The following POU2F3 variants were observed in gnomAD, a reference collection of about 807,000 sequenced individuals.
The protein encoded by POU2F3 is POU domain, class 2, transcription factor 3.
POU2F3 carries 23 observed loss-of-function variants against 59.2 expected under a neutral mutation model. The observed-to-expected ratio is 0.39, with a 90% CI of 0.28 to 0.55. The LOEUF (loss-of-function observed/expected upper bound fraction) is 0.55, where lower values mean the gene tolerates loss of function less well. Among genes scored for constraint, POU2F3 ranks in the 20% least tolerant of loss-of-function variants. The probability of loss-of-function intolerance (pLI) is 0.66; values close to 1 mark genes in which losing one functional copy is unlikely to be tolerated. For synonymous variants in POU2F3, 190 were observed against 214.6 expected (o/e 0.89, Z 1.00); for missense variants, 473 against 544.5 (o/e 0.87, Z 1.31).
chr11:120,269,339 T>TGGG, intron 3 of POU2F3, 95 bp downstream of exon 3: 1 of 1,100,660 alleles, frequency 9.1e-7, no homozygotes, highest in Non-Finnish European at 1.3e-6. Flanking sequence ...AAGTACAGTT[T>TGGG]GGGGGTGTTT....
chr11:120,274,605 G>A (rs1051938555), intron 3 of POU2F3, among the ~76,000 whole-genome samples: 63 of 152,306 alleles, frequency 4.1e-4, no homozygotes, highest in African/African-American at 1.5e-3. Flanking sequence ...ATGATGGGAG[G>A]AGAAGGAGGG....
intron 1 of POU2F3, among the ~76,000 whole-genome samples, chr11:120,243,506 C>T (rs757007552): frequency 3.3e-5 from 5 of 152,172 alleles, no homozygotes; most frequent in Non-Finnish European, 5.9e-5. Context: ...TGTCTGGGCT[C>T]TTTCACAGAG....
intron 2 of POU2F3, among the ~76,000 whole-genome samples, chr11:120,253,317 T>G (rs942051440): frequency 6.6e-6 from 1 of 151,728 alleles, no homozygotes; most frequent in African/African-American, 2.4e-5. Flanking sequence ...TGGAGTGCAG[T>G]GGCACAGTCT....
intron 2 of POU2F3, chr11:120,259,096 A>T (rs1348056676): frequency 6.6e-6 from 1 of 152,328 alleles, no homozygotes; most frequent in Non-Finnish European, 1.5e-5. Flanking sequence ...GCATGGCCCT[A>T]GCCTCCTGGT....
chr11:120,288,690 G>T (rs1940908873), intron 3 of POU2F3, among the ~76,000 whole-genome samples: 1 of 152,182 alleles, frequency 6.6e-6, no homozygotes, highest in Non-Finnish European at 1.5e-5. Context: ...TACAAGTGAG[G>T]TCTGTGGGCC....
intron 5 of POU2F3, among the ~76,000 whole-genome samples, chr11:120,299,954 T>G (rs186519193): frequency 6.6e-6 from 1 of 152,292 alleles, no homozygotes; most frequent in East Asian, 1.9e-4. Context: ...TGTTGGGTGG[T>G]CTGGTCCACC....
chr11:120,248,647 C>A (rs1247401218), intron 2 of POU2F3, among the ~76,000 whole-genome samples: 1 of 152,162 alleles, frequency 6.6e-6, no homozygotes, highest in East Asian at 1.9e-4. Context: ...ATGTCTGGAA[C>A]TTTACCACCA....
At chr11:120,252,675 T>A (rs1939162567) in intron 2 of POU2F3, among the ~76,000 whole-genome samples, 1 of 152,160 alleles carries the variant, frequency 6.6e-6, no homozygotes, top group Middle Eastern at 3.2e-3. Flanking sequence ...CCTCCAGCAC[T>A]CAGAGAACCT....
At chr11:120,297,578 T>C (rs745513180) in intron 3 of POU2F3, among the ~76,000 whole-genome samples, 3 of 152,198 alleles carry the variant, frequency 2.0e-5, no homozygotes, top group Non-Finnish European at 4.4e-5. Context: ...TTTTGGGGTT[T>C]CATAGATGAG....
intron 3 of POU2F3, among the ~76,000 whole-genome samples, chr11:120,295,681 G>A (rs1941173755): frequency 6.6e-6 from 1 of 152,222 alleles, no homozygotes; most frequent in African/African-American, 2.4e-5. Flanking sequence ...GAAGAACTAG[G>A]ACACCAGAGT....
At position 120,288,131 on chromosome 11, in the gene POU2F3, A is replaced by C. The variant is rs1248216909; in HGVS notation, c.133-10134A>C. Among the ~76,000 whole-genome samples the C allele has an allele frequency of 6.1e-4, 89 of 145,438 alleles. 1 individual carries two copies. The East Asian group carries it at 0.014, about 22-fold the overall frequency. The stretch of plus-strand genomic sequence containing the variant: ...GAAAGAAAACAAACAAAAAAACCAA[A>C]AAAAAAAAAAAAAAAAACAAGAAAA... On this transcript the variant is annotated intron_variant, in intron 3 of 12. Transcript: ENST00000543440.
chr11:120,307,454 C>T, intron 8 of POU2F3, 25 bp from the exon 9 acceptor site: 2 of 1,612,822 alleles, frequency 1.2e-6, no homozygotes, highest in Non-Finnish European at 1.7e-6. Context: ...CTCTGAGCTT[C>T]CTCTGGTCCT....
At chr11:120,251,603 C>G (rs1939103798) in intron 2 of POU2F3, among the ~76,000 whole-genome samples, 1 of 152,142 alleles carries the variant, frequency 6.6e-6, no homozygotes, top group Non-Finnish European at 1.5e-5. Flanking sequence ...TAGTCCCCCC[C>G]AGACATGGAG....
chr11:120,314,017 CCAA>C (rs1042620516), intron 10 of POU2F3, among the ~76,000 whole-genome samples: 259 of 151,634 alleles, frequency 1.7e-3, no homozygotes, highest in African/African-American at 5.8e-3. Flanking sequence ...CCATCTCAAA[CCAA>C]CAACAACAAC....
At chr11:120,263,965 A>T (rs577069034) in intron 2 of POU2F3, among the ~76,000 whole-genome samples, 1 of 152,322 alleles carries the variant, frequency 6.6e-6, no homozygotes, top group South Asian at 2.1e-4. Context: ...TGTTTTAGAC[A>T]CTTGGGGCAT....
intron 2 of POU2F3, among the ~76,000 whole-genome samples, chr11:120,257,459 A>G (rs1004428594): frequency 6.6e-6 from 1 of 150,752 alleles, no homozygotes; most frequent in Non-Finnish European, 1.5e-5. Flanking sequence ...ATACCCTTCA[A>G]TTCTCACTTT....
intron 2 of POU2F3, among the ~76,000 whole-genome samples, chr11:120,261,501 G>A (rs368693274): frequency 6.6e-5 from 10 of 152,302 alleles, no homozygotes; most frequent in African/African-American, 1.7e-4. Context: ...GGCCTGGAGA[G>A]ATCCCAGCTG....
chr11:120,313,443 T>A (rs770744777), intron 10 of POU2F3, among the ~76,000 whole-genome samples: 1 of 152,194 alleles, frequency 6.6e-6, no homozygotes, highest in Non-Finnish European at 1.5e-5. Flanking sequence ...ACACTTGTGA[T>A]GTCATGAAGG....
chr11:120,294,402 C>T (rs1315289995), intron 3 of POU2F3, among the ~76,000 whole-genome samples: 1 of 152,220 alleles, frequency 6.6e-6, no homozygotes, highest in African/African-American at 2.4e-5. Flanking sequence ...AGAAGAACTG[C>T]CAAAGAGACC....
Sources: gnomAD v4.1 joint callset for allele counts (sites outside exome capture counted in the v4.1 genomes callset) on GRCh38, gnomAD v4.1.1 for gene constraint, MANE v1.5 for transcripts, NCBI Gene and HGNC (gene_info 2026-07-23, HGNC 2026-07-21) for gene names.